WWP1: variants seen among roughly 807,000 people sequenced by gnomAD.
The protein encoded by WWP1 is NEDD4-like E3 ubiquitin-protein ligase WWP1.
A neutral mutation model predicts 130.6 loss-of-function variants in WWP1; 49 were observed. The observed-to-expected ratio is 0.38, with a 90% CI of 0.30 to 0.48. The LOEUF is 0.48. Among genes scored for constraint, WWP1 ranks in the 20% least tolerant of loss-of-function variants. The probability of loss-of-function intolerance (pLI) is 0.99; values close to 1 mark genes in which losing one functional copy is unlikely to be tolerated. For synonymous variants in WWP1, 332 were observed against 367.8 expected, an observed-to-expected ratio of 0.90 and a Z score of 1.11; for missense variants, 809 against 1,100.6, an observed-to-expected ratio of 0.74 and a Z score of 3.75.
intron 1 of WWP1, among the ~76,000 whole-genome samples, chr8:86,364,986 A>G (rs73268878): frequency 0.054 from 8,246 of 152,172 alleles, 380 homozygotes; most frequent in African/African-American, 0.12. Flanking sequence ...GAGTGCATTT[A>G]TGATAGGGGA....
intron 22 of WWP1, 75 bp from the exon 23 acceptor site, chr8:86,461,149 C>A (rs1011186374): frequency 4.5e-6 from 6 of 1,326,928 alleles, no homozygotes; most frequent in African/African-American, 4.3e-5. Flanking sequence ...TATTTAATTT[C>A]TTCAAGTGTC....
chr8:86,352,148 GA>G (rs1240355133), intron 1 of WWP1, among the ~76,000 whole-genome samples: 2 of 148,272 alleles, frequency 1.3e-5, no homozygotes, highest in African/African-American at 5.0e-5. Flanking sequence ...GGGCTCAAAC[GA>G]TCCTCCCACC....
chr8:86,402,338 T>C, intron 8 of WWP1, 135 bp downstream of exon 8: 1 of 1,135,594 alleles, frequency 8.8e-7, no homozygotes, highest in Non-Finnish European at 1.2e-6. Context: ...CAGGCTGGAG[T>C]GCAGTGGTGC....
intron 3 of WWP1, among the ~76,000 whole-genome samples, chr8:86,377,252 A>ATT (rs35139758): frequency 2.9e-4 from 40 of 138,906 alleles, no homozygotes; most frequent in African/African-American, 1.0e-3. Context: ...TTCCTGTCTA[A>ATT]TTTTTTTTTT....
intron 8 of WWP1, chr8:86,405,040 G>A (rs1246951128): frequency 1.3e-5 from 2 of 152,142 alleles, no homozygotes; most frequent in African/African-American, 2.4e-5. Flanking sequence ...AGAGGCTTCC[G>A]GAACCTGCTC....
intron 22 of WWP1, among the ~76,000 whole-genome samples, chr8:86,458,930 T>C (rs983288620): frequency 6.6e-6 from 1 of 152,022 alleles, no homozygotes; most frequent in Non-Finnish European, 1.5e-5. Context: ...ACAACCTAAA[T>C]GTCCATCAGG....
At chr8:86,344,407 C>T (rs1342201520) in intron 1 of WWP1, among the ~76,000 whole-genome samples, 1 of 152,132 alleles carries the variant, frequency 6.6e-6, no homozygotes, top group Non-Finnish European at 1.5e-5. Flanking sequence ...CTGTTTACCC[C>T]ACGGTGGCTG....
chr8:86,440,273 C>T (rs139775719), intron 17 of WWP1, among the ~76,000 whole-genome samples: 11 of 152,234 alleles, frequency 7.2e-5, no homozygotes, highest in African/African-American at 2.2e-4. Flanking sequence ...GCTAGTTCCT[C>T]CATAACATGA....
chr8:86,437,296 G>GTA (rs984330494), intron 16 of WWP1, among the ~76,000 whole-genome samples: 64 of 152,256 alleles, frequency 4.2e-4, no homozygotes, highest in African/African-American at 1.5e-3. Context: ...TTTGGTATAC[G>GTA]TATTGTTTTT....
At chr8:86,406,499 A>C (rs974716273) in intron 8 of WWP1, among the ~76,000 whole-genome samples, 2 of 152,216 alleles carry the variant, frequency 1.3e-5, no homozygotes, top group Non-Finnish European at 2.9e-5. Flanking sequence ...AATTATAAAT[A>C]AACAGAAAGT....
At position 86,467,589 on chromosome 8, in the gene WWP1, G is replaced by C. The variant is rs1315274778; in HGVS notation, c.*696G>C. On this transcript the variant is annotated 3_prime_UTR_variant, in exon 25 of 25. Transcript: ENST00000517970. ...ACTATTTAGTTTATTATCGAAATTG[G>C]AAGGATTCATTGAGCAGCATAGAAG... The C allele has an allele frequency of 6.6e-6, 1 of 152,002 alleles. No individual in the cohort carries two copies. Among genetic ancestry groups the C allele is most frequent in the Non-Finnish European group, 1.5e-5 (1 of 67,952 alleles). The allele number at this position is 152,002 out of a possible 1,614,324, so 9.4% of individuals were successfully genotyped here.
chr8:86,437,681 ACTACCC>A (rs1407679790), intron 16 of WWP1, among the ~76,000 whole-genome samples: 3 of 152,238 alleles, frequency 2.0e-5, no homozygotes, highest in Admixed American at 2.0e-4. Flanking sequence ...ATAACTTTTG[ACTACCC>A]CAAAACTGAA....
At chr8:86,453,566 G>T (rs1197907676) in intron 21 of WWP1, among the ~76,000 whole-genome samples, 1 of 152,100 alleles carries the variant, frequency 6.6e-6, no homozygotes, top group Non-Finnish European at 1.5e-5. Flanking sequence ...GAGTGGTATT[G>T]TTGGATCATA....
chr8:86,387,467 T>C (rs1292730731), intron 5 of WWP1, among the ~76,000 whole-genome samples: 1 of 152,090 alleles, frequency 6.6e-6, no homozygotes, highest in Non-Finnish European at 1.5e-5. Context: ...TGAATTTTAC[T>C]GACACATTCA....
At chr8:86,352,329 A>C (rs1439127920) in intron 1 of WWP1, among the ~76,000 whole-genome samples, 1 of 151,982 alleles carries the variant, frequency 6.6e-6, no homozygotes, top group African/African-American at 2.4e-5. Context: ...GTTTCAAATG[A>C]TTCTTGTGCC....
At chr8:86,431,320 A>G (rs1422863803) in intron 12 of WWP1, 86 bp from the exon 13 acceptor site, 2 of 312,926 alleles carry the variant, frequency 6.4e-6, no homozygotes, top group East Asian at 2.1e-4. Context: ...TATATATAAT[A>G]TATATTATAT....
At chr8:86,368,900 T>G (rs978626509) in intron 1 of WWP1, 39 bp from the exon 2 acceptor site, 3 of 152,190 alleles carry the variant, frequency 2.0e-5, no homozygotes, top group Non-Finnish European at 4.4e-5. Flanking sequence ...GCATCTATTT[T>G]AGGAATTATC....
chr8:86,358,786 G>A (rs1397857125), intron 1 of WWP1, among the ~76,000 whole-genome samples: 1 of 152,054 alleles, frequency 6.6e-6, no homozygotes, highest in Non-Finnish European at 1.5e-5. Flanking sequence ...TAGGATTATG[G>A]GTATGAGCCA....
chr8:86,373,339 G>A (rs1441084609), intron 2 of WWP1, among the ~76,000 whole-genome samples: 3 of 151,964 alleles, frequency 2.0e-5, no homozygotes, highest in Non-Finnish European at 4.4e-5. Flanking sequence ...AGGTTCTGTT[G>A]ATGTTATTAA....
Sources: gnomAD v4.1 joint callset for allele counts (sites outside exome capture counted in the v4.1 genomes callset) on GRCh38, gnomAD v4.1.1 for gene constraint, MANE v1.5 for transcripts, NCBI Gene and HGNC (gene_info 2026-07-23, HGNC 2026-07-21) for gene names.